Variants in CSMD3 observed in about 807,000 individuals in gnomAD.
CSMD3 encodes the protein CUB and Sushi multiple domains 3.
CSMD3 carries 177 observed loss-of-function variants against 435.2 expected under a neutral mutation model. That is an observed-to-expected ratio of 0.41 (90% CI 0.36 to 0.46). The LOEUF (loss-of-function observed/expected upper bound fraction) is 0.46, where lower values mean the gene tolerates loss of function less well. Among genes scored for constraint, CSMD3 ranks in the 20% least tolerant of loss-of-function variants. The pLI is 0.34. For missense variants in CSMD3, 4,265 were observed against 4,504.6 expected (o/e 0.95, Z 1.52); for synonymous variants, 1,656 against 1,520.5 (o/e 1.09, Z -2.07).
intron 22 of CSMD3, among the ~76,000 whole-genome samples, chr8:112,589,814 C>G (rs1327363633): frequency 1.3e-5 from 2 of 152,048 alleles, no homozygotes; most frequent in Non-Finnish European, 2.9e-5. Flanking sequence ...AAAGCAAGTC[C>G]TAACGATCCA....
At chr8:112,761,525 C>T (rs2077837414) in intron 13 of CSMD3, among the ~76,000 whole-genome samples, 1 of 151,966 alleles carries the variant, frequency 6.6e-6, no homozygotes, top group Admixed American at 6.6e-5. Flanking sequence ...CTTCTATTTT[C>T]CTAGTCAAGC....
chr8:112,796,495 G>T (rs1013485626), intron 13 of CSMD3, among the ~76,000 whole-genome samples: 1 of 151,982 alleles, frequency 6.6e-6, no homozygotes, highest in African/African-American at 2.4e-5. Context: ...AAAATAATTG[G>T]AATATGCAAG....
chr8:112,780,012 CA>C (rs1454748272), intron 13 of CSMD3, among the ~76,000 whole-genome samples: 1 of 151,858 alleles, frequency 6.6e-6, no homozygotes, highest in Non-Finnish European at 1.5e-5. Context: ...ATTTCTTCCC[CA>C]ATTAGATATA....
intron 4 of CSMD3, among the ~76,000 whole-genome samples, chr8:113,166,793 T>C (rs7836578): frequency 0.68 from 103,502 of 151,966 alleles, 37,077 homozygotes; most frequent in East Asian, 0.95. Flanking sequence ...TTTTCAGTAC[T>C]TCATACCTCA....
chr8:112,457,702 C>T (rs1168649692), intron 32 of CSMD3, among the ~76,000 whole-genome samples: 1 of 151,908 alleles, frequency 6.6e-6, no homozygotes, highest in African/African-American at 2.4e-5. Context: ...AGCATTTAGG[C>T]CTCCTCATTC....
At chr8:112,374,760 G>T (rs1039915381) in intron 38 of CSMD3, among the ~76,000 whole-genome samples, 1 of 152,102 alleles carries the variant, frequency 6.6e-6, no homozygotes, top group African/African-American at 2.4e-5. Context: ...TTATAATATC[G>T]TCTTCTAATA....
At chr8:112,366,428 G>A (rs1827784608) in intron 38 of CSMD3, among the ~76,000 whole-genome samples, 1 of 152,110 alleles carries the variant, frequency 6.6e-6, no homozygotes. Flanking sequence ...ATGGAGTTTT[G>A]CTCTTGTCAC....
chr8:112,270,482 A>T (rs530905766), intron 59 of CSMD3, among the ~76,000 whole-genome samples: 1 of 149,302 alleles, frequency 6.7e-6, no homozygotes, highest in East Asian at 1.9e-4. Context: ...TCTCAAAGGA[A>T]ATTCTCAAAG....
chr8:113,285,882 A>G (rs1418147978), intron 2 of CSMD3, among the ~76,000 whole-genome samples: 1 of 152,176 alleles, frequency 6.6e-6, no homozygotes, highest in East Asian at 1.9e-4. Flanking sequence ...ATTTAGTTTC[A>G]TGAAAATTCT....
At chr8:113,236,616 C>A (rs1222049409) in intron 3 of CSMD3, among the ~76,000 whole-genome samples, 5 of 152,000 alleles carry the variant, frequency 3.3e-5, no homozygotes, top group Non-Finnish European at 7.4e-5. Flanking sequence ...AGGACTTAGA[C>A]TAGGGGCTCT....
At chr8:112,644,501 T>C (rs1324887342) in intron 20 of CSMD3, among the ~76,000 whole-genome samples, 1 of 152,082 alleles carries the variant, frequency 6.6e-6, no homozygotes, top group Non-Finnish European at 1.5e-5. Context: ...ATGAACCATG[T>C]TTAATACTAC....
intron 11 of CSMD3, among the ~76,000 whole-genome samples, chr8:112,845,004 C>T (rs180929005): frequency 2.0e-5 from 3 of 151,876 alleles, no homozygotes; most frequent in African/African-American, 7.2e-5. Flanking sequence ...GGTGGGTATA[C>T]CCAATGGTTA....
At chr8:112,700,181 C>T (rs148277026) in intron 13 of CSMD3, among the ~76,000 whole-genome samples, 27 of 152,180 alleles carry the variant, frequency 1.8e-4, no homozygotes, top group African/African-American at 6.0e-4. Context: ...TAAAACATGT[C>T]TGCAAATTAT....
chr8:112,392,314 C>CAAAA (rs1200157495), intron 35 of CSMD3, among the ~76,000 whole-genome samples: 31 of 83,806 alleles, frequency 3.7e-4, no homozygotes, highest in Admixed American at 5.4e-4. Context: ...GGCAATTACT[C>CAAAA]AAAAAAAAAA....
intron 10 of CSMD3, among the ~76,000 whole-genome samples, chr8:112,897,664 TTCTCTC>T (rs148140086): frequency 0.016 from 2,136 of 134,954 alleles, 26 homozygotes; most frequent in Non-Finnish European, 0.023. Context: ...AAAATACTAT[TTCTCTC>T]TCTCTCTCTC....
intron 18 of CSMD3, among the ~76,000 whole-genome samples, chr8:112,650,784 G>A (rs561164770): frequency 3.2e-5 from 3 of 92,546 alleles, no homozygotes; most frequent in Non-Finnish European, 4.6e-5. Flanking sequence ...CACCAGAACC[G>A]TTCTAAGTAT....
chr8:112,416,795 T>C (rs1209830710), intron 32 of CSMD3, among the ~76,000 whole-genome samples: 3 of 152,014 alleles, frequency 2.0e-5, no homozygotes, highest in Non-Finnish European at 4.4e-5. Context: ...CCTAATGGCA[T>C]GACAGTGTCA....
chr8:112,315,288 T>C (rs1306996349), intron 47 of CSMD3, among the ~76,000 whole-genome samples: 1 of 151,890 alleles, frequency 6.6e-6, no homozygotes, highest in African/African-American at 2.4e-5. Context: ...ACATAAAATG[T>C]GTTATACATT....
At chr8:112,566,007 G>T (rs1243325876) in intron 24 of CSMD3, among the ~76,000 whole-genome samples, 1 of 148,394 alleles carries the variant, frequency 6.7e-6, no homozygotes, top group Non-Finnish European at 1.5e-5. Context: ...GTTTCTTTGG[G>T]AAGAATTGCA....
Sources: gnomAD v4.1 joint callset for allele counts (sites outside exome capture counted in the v4.1 genomes callset) on GRCh38, gnomAD v4.1.1 for gene constraint, MANE v1.5 for transcripts, NCBI Gene and HGNC (gene_info 2026-07-23, HGNC 2026-07-21) for gene names.